ITGB6: variants seen among roughly 807,000 people sequenced by gnomAD.
ITGB6 encodes the protein integrin subunit beta 6.
In ITGB6, 80 loss-of-function variants were observed where a neutral mutation model predicts 84.5. The ratio of observed to expected loss-of-function variants is 0.95; its 90% CI spans 0.79 to 1.14. The LOEUF (loss-of-function observed/expected upper bound fraction) is 1.14. Among genes scored for constraint, ITGB6 ranks in the 50% most tolerant of loss-of-function variants. ITGB6 has a pLI of 0.00. For synonymous variants in ITGB6, 383 were observed against 354.9 expected, an observed-to-expected ratio of 1.08 and a Z score of -0.89; for missense variants, 1,006 against 968.0, an observed-to-expected ratio of 1.04 and a Z score of -0.52.
chr2:160,177,421 A>T (rs967745988), intron 4 of ITGB6, among the ~76,000 whole-genome samples: 17 of 151,958 alleles, frequency 1.1e-4, no homozygotes, highest in African/African-American at 3.9e-4. Context: ...ATACAAAAAA[A>T]TTAGCCCGGG....
At chr2:160,152,788 T>G (rs183292874) in intron 7 of ITGB6, among the ~76,000 whole-genome samples, 1 of 152,278 alleles carries the variant, frequency 6.6e-6, no homozygotes, top group African/African-American at 2.4e-5. Flanking sequence ...ATCACAAGCA[T>G]TCCTATAAAC....
chr2:160,126,248 G>C, intron 11 of ITGB6, 131 bp downstream of exon 11: 1 of 751,570 alleles, frequency 1.3e-6, no homozygotes, highest in African/African-American at 1.7e-5. Flanking sequence ...GTGGGTTTGT[G>C]TGTGTTTTGA....
intron 12 of ITGB6, among the ~76,000 whole-genome samples, chr2:160,118,184 T>C (rs1187123206): frequency 6.6e-6 from 1 of 152,216 alleles, no homozygotes; most frequent in Non-Finnish European, 1.5e-5. Flanking sequence ...ATCATCCTGA[T>C]ACCAAAGCCT....
chr2:160,102,878 C>T (rs977844563), intron 14 of ITGB6, among the ~76,000 whole-genome samples: 8 of 152,322 alleles, frequency 5.3e-5, no homozygotes, highest in African/African-American at 1.4e-4. Flanking sequence ...GTTCCTACCT[C>T]GTCCAGGTAA....
chr2:160,151,201 C>A (rs562372717), intron 7 of ITGB6, among the ~76,000 whole-genome samples: 1 of 152,166 alleles, frequency 6.6e-6, no homozygotes, highest in Non-Finnish European at 1.5e-5. Context: ...GGAAGTAAAG[C>A]ACTCCTCAGC....
At chr2:160,149,250 A>G (rs1164879059) in intron 7 of ITGB6, among the ~76,000 whole-genome samples, 1 of 152,234 alleles carries the variant, frequency 6.6e-6, no homozygotes. Flanking sequence ...GAGCTTCCAG[A>G]AGAAGGATGA....
At chr2:160,145,059 A>G (rs1370143802) in intron 7 of ITGB6, among the ~76,000 whole-genome samples, 2 of 152,242 alleles carry the variant, frequency 1.3e-5, no homozygotes, top group Non-Finnish European at 2.9e-5. Context: ...ATTACTGTAA[A>G]TATCATGTGT....
intron 4 of ITGB6, among the ~76,000 whole-genome samples, chr2:160,193,545 A>G (rs2105895681): frequency 6.6e-6 from 1 of 152,366 alleles, no homozygotes; most frequent in East Asian, 1.9e-4. Context: ...ATTGATTGCA[A>G]TGGTATATTT....
chr2:160,108,303 T>C (rs911324096), intron 13 of ITGB6, among the ~76,000 whole-genome samples: 5 of 151,564 alleles, frequency 3.3e-5, no homozygotes, highest in Middle Eastern at 3.2e-3. Context: ...ATGGGGAGTC[T>C]AGAAGACTAT....
Position 160,101,750 on chromosome 2 carries a change from A to G in ITGB6, c.2353T>C (p.Ser785Pro), listed in dbSNP as rs1350520068. 1.9e-6 allele frequency: 3 copies of G among 1,569,686 alleles called. No homozygotes were observed. The highest frequency in any genetic ancestry group is 1.7e-4 in the Middle Eastern group (1 of 5,988). The part of the protein sequence containing the change: ...KHREKQKVDL[S>P]TDC ...ATAAAGTAGTTCTAGCAATCTGTGG[A>G]AAGGTCTACCTTTTGTTTTTCCCTG... is the stretch of plus-strand genomic sequence containing the variant. The change falls in exon 15 of 15, where the codon TCC (serine) becomes CCC (proline). Residue 785 changes from serine (S) to proline (P), a missense_variant. Physicochemically the swap from Ser to Pro is moderately conservative, Grantham distance 74. Transcript: ENST00000283249.
rs942692325 is a variant in ITGB6 at position 160,101,701 on chromosome 2, C to T, written c.*35G>A. On this transcript the variant is annotated 3_prime_UTR_variant, in exon 15 of 15. Transcript: ENST00000283249. ...TAAATAGTGCATTAACATTTCATATCAGTGAAACAGACTTTTTTCATGCAT... is the reference window on the plus strand; with the variant it reads ...TAAATAGTGCATTAACATTTCATATTAGTGAAACAGACTTTTTTCATGCAT... The T allele has an allele frequency of 9.0e-7, 1 of 1,114,138 alleles. No homozygotes were observed. Among genetic ancestry groups the T allele is most frequent in the African/African-American group, 1.5e-5 (1 of 65,086 alleles). 69.0% of individuals were successfully genotyped at this position (1,114,138 alleles called of 1,614,324 possible). A position where few individuals can be genotyped will look rare whatever the true frequency, so the allele number is the denominator to read the frequency against.
chr2:160,199,113 T>C, intron 2 of ITGB6, 66 bp downstream of exon 2: 1 of 1,298,122 alleles, frequency 7.7e-7, no homozygotes, highest in Non-Finnish European at 1.1e-6. Flanking sequence ...GAAATATCAC[T>C]GAGGAAATTA....
chr2:160,195,958 G>A (rs1256406141), intron 3 of ITGB6, among the ~76,000 whole-genome samples: 1 of 152,208 alleles, frequency 6.6e-6, no homozygotes, highest in Admixed American at 6.5e-5. Flanking sequence ...TTGAAGAAAT[G>A]TGAGGTAAGC....
intron 7 of ITGB6, among the ~76,000 whole-genome samples, chr2:160,159,554 A>C (rs1684744921): frequency 6.6e-6 from 1 of 152,112 alleles, no homozygotes; most frequent in Admixed American, 6.5e-5. Context: ...CACTGCCTTC[A>C]AGATTGAAGG....
intron 7 of ITGB6, among the ~76,000 whole-genome samples, chr2:160,166,127 G>A (rs543103270): frequency 1.3e-4 from 20 of 152,256 alleles, no homozygotes; most frequent in African/African-American, 4.1e-4. Context: ...CAGAGGAAAG[G>A]TCCCTTTGGC....
At chr2:160,114,620 G>GGGTTC (rs1260295977) in intron 12 of ITGB6, among the ~76,000 whole-genome samples, 1 of 152,182 alleles carries the variant, frequency 6.6e-6, no homozygotes, top group Non-Finnish European at 1.5e-5. Flanking sequence ...CTGAGGTACC[G>GGGTTC]GGTTCATCTC....
In ITGB6 at chr2:160,126,387, G is replaced by A. The variant is rs1385315087; in HGVS notation, c.1875C>T (p.Asn625=). Residue 625 remains asparagine (N), a synonymous_variant, in exon 11 of 15, where the codon AAC becomes AAT. Transcript: ENST00000283249. The part of the protein sequence containing the change: ...ERCPTCGDPC[N]SKRSCIECHL... ...AAAAGCAGAGACATTACCGTTTAGAGTTACAGGGGTCACCACAGGTAGGAC... is the reference window on the plus strand; with the variant it reads ...AAAAGCAGAGACATTACCGTTTAGAATTACAGGGGTCACCACAGGTAGGAC... 1 of 1,613,870 alleles carries A rather than the reference G, an allele frequency of 6.2e-7. No homozygotes were observed. The highest frequency in any genetic ancestry group is 8.5e-7 in the Non-Finnish European group (1 of 1,179,856).
intron 10 of ITGB6, among the ~76,000 whole-genome samples, chr2:160,134,057 A>G (rs1264559540): frequency 6.6e-6 from 1 of 152,226 alleles, no homozygotes; most frequent in Non-Finnish European, 1.5e-5. Context: ...CTAAGATCAG[A>G]GCAGAACTGA....
intron 2 of ITGB6, among the ~76,000 whole-genome samples, chr2:160,198,909 A>G (rs1686445026): frequency 6.6e-6 from 1 of 152,222 alleles, no homozygotes; most frequent in East Asian, 1.9e-4. Context: ...ATGGCTTTAC[A>G]ATAAAAGAAG....
Sources: gnomAD v4.1 joint callset for allele counts (sites outside exome capture counted in the v4.1 genomes callset) on GRCh38, gnomAD v4.1.1 for gene constraint, MANE v1.5 for transcripts, NCBI Gene and HGNC (gene_info 2026-07-23, HGNC 2026-07-21) for gene names.